The following DLGAP4 variants were observed in gnomAD, a reference collection of about 807,000 sequenced individuals.
The protein encoded by DLGAP4 is DLG associated protein 4, also known as disks large-associated protein 4.
A neutral mutation model predicts 86.9 loss-of-function variants in DLGAP4; 18 were observed. The observed-to-expected ratio is 0.21, with a 90% CI of 0.14 to 0.31. DLGAP4 has a LOEUF of 0.31. Among genes scored for constraint, DLGAP4 ranks in the 10% least tolerant of loss-of-function variants. The probability of loss-of-function intolerance (pLI) is 1.00; values close to 1 mark genes in which losing one functional copy is unlikely to be tolerated. For missense variants in DLGAP4, 1,085 were observed against 1,362.6 expected (o/e 0.80, Z 3.21); for synonymous variants, 548 against 574.3 (o/e 0.95, Z 0.65).
chr20:36,431,168 A>G lies in DLGAP4; in HGVS notation c.-72-478A>G, dbSNP rs1447158971. On this transcript the variant is annotated intron_variant, in intron 2 of 12. Coordinates refer to ENST00000339266, the MANE Select transcript of DLGAP4 (RefSeq NM_001365621.2). This position sits in a 1 kb window ranked among gnomAD's most constrained non-coding sequence, Gnocchi z 5.1. The stretch of plus-strand genomic sequence containing the variant: ...CACAGGGTCCTCCCGTGGGAGGTGG[A>G]CCCTGCCACAGGGACCATCCTGGGG... Among the ~76,000 whole-genome samples, 1 of 151,792 alleles carries G rather than the reference A, an allele frequency of 6.6e-6. No homozygotes were observed. Among genetic ancestry groups the G allele is most frequent in the Non-Finnish European group, 1.5e-5 (1 of 67,916 alleles).
chr20:36,376,621 GGA>G (rs761180385), intron 2 of DLGAP4, among the ~76,000 whole-genome samples: 1 of 152,142 alleles, frequency 6.6e-6, no homozygotes, highest in Non-Finnish European at 1.5e-5. Context: ...CTGCTCAAGG[GGA>G]GAGAGAGAGT....
At chr20:36,437,250 C>G (rs1186541072) in intron 4 of DLGAP4, among the ~76,000 whole-genome samples, 2 of 152,350 alleles carry the variant, frequency 1.3e-5, no homozygotes, top group East Asian at 3.9e-4. Flanking sequence ...GCCCCACCCA[C>G]AGTTCAGCCC....
chr20:36,526,998 G>A lies in DLGAP4; in HGVS notation c.2946G>A (p.Glu982=), dbSNP rs938468213. ...CCACCGAGAGCGCAGACAGCATCGA[G>A]ATTTATGTCCCGGAGGCCCAGACCA... ...NSATESADSI[E]IYVPEAQTRL is the part of the protein sequence containing the mutation. Residue 982 remains glutamate (E), a synonymous_variant, in exon 13 of 13, where the codon GAG becomes GAA. Coordinates refer to ENST00000339266, the MANE Select transcript of DLGAP4 (RefSeq NM_001365621.2). 42 of 1,610,290 alleles carry A rather than the reference G, an allele frequency of 2.6e-5. No individual in the cohort carries two copies. The highest frequency in any genetic ancestry group is 3.5e-5 in the Non-Finnish European group (41 of 1,178,104).
chr20:36,374,816 A>G (rs2031088231), intron 2 of DLGAP4, among the ~76,000 whole-genome samples: 1 of 152,230 alleles, frequency 6.6e-6, no homozygotes, highest in African/African-American at 2.4e-5. Flanking sequence ...AAGCTTTTTC[A>G]CAGGACCAAG....
At chr20:36,470,288 C>A (rs2147660237) in intron 7 of DLGAP4, among the ~76,000 whole-genome samples, 1 of 152,306 alleles carries the variant, frequency 6.6e-6, no homozygotes, top group Non-Finnish European at 1.5e-5. Context: ...TCTTCCCTGG[C>A]ACTCTCCTCC....
chr20:36,364,653 AGTCATGCCATGT>A (rs2030623514), intron 1 of DLGAP4, among the ~76,000 whole-genome samples: 1 of 152,270 alleles, frequency 6.6e-6, no homozygotes, highest in South Asian at 2.1e-4. Flanking sequence ...ATTGAAATGG[AGTCATGCCATGT>A]GCTGTCTTCT....
chr20:36,513,405 G>A (rs796567700), intron 10 of DLGAP4, among the ~76,000 whole-genome samples: 217 of 150,408 alleles, frequency 1.4e-3, no homozygotes, highest in African/African-American at 5.0e-3. Context: ...AAAATTAGCC[G>A]GGCGCGGTGG....
chr20:36,444,842 G>A (rs920997814), intron 6 of DLGAP4, among the ~76,000 whole-genome samples: 7 of 151,056 alleles, frequency 4.6e-5, no homozygotes, highest in Middle Eastern at 3.3e-3. Flanking sequence ...ATTTCTCCAT[G>A]TTGGCCAGGC....
At chr20:36,518,721 C>T (rs1272555037) in intron 10 of DLGAP4, among the ~76,000 whole-genome samples, 1 of 151,998 alleles carries the variant, frequency 6.6e-6, no homozygotes. Context: ...ACAATCCTAG[C>T]ACTTTGAAAG....
intron 1 of DLGAP4, among the ~76,000 whole-genome samples, chr20:36,319,920 A>G (rs575862067): frequency 1.3e-5 from 2 of 152,040 alleles, no homozygotes; most frequent in Admixed American, 1.3e-4. Flanking sequence ...AGAGTCTGGA[A>G]TCTGAAGAAC....
intron 2 of DLGAP4, among the ~76,000 whole-genome samples, chr20:36,396,390 T>C (rs1301367955): frequency 1.4e-3 from 4 of 2,952 alleles, no homozygotes; most frequent in East Asian, 8.5e-3. Flanking sequence ...CATACACACA[T>C]GCCACATACA....
intron 1 of DLGAP4, among the ~76,000 whole-genome samples, chr20:36,363,723 C>G (rs1447398261): frequency 1.3e-5 from 2 of 152,158 alleles, no homozygotes; most frequent in Non-Finnish European, 2.9e-5. Flanking sequence ...CATGATTTGC[C>G]TGGGATTGCT....
intron 2 of DLGAP4, among the ~76,000 whole-genome samples, chr20:36,369,165 C>T (rs939692622): frequency 3.9e-5 from 6 of 152,274 alleles, no homozygotes; most frequent in African/African-American, 1.4e-4. Context: ...CAGCCGAAGC[C>T]GGAGCTAGAA....
intron 1 of DLGAP4, among the ~76,000 whole-genome samples, chr20:36,318,845 A>C (rs1555890249): frequency 6.6e-6 from 1 of 152,114 alleles, no homozygotes; most frequent in South Asian, 2.1e-4. Context: ...TTTGTTTTTC[A>C]TTACAAGAGC....
Position 36,432,524 on chromosome 20 carries a change from C to T in DLGAP4, c.807C>T (p.Pro269=). The T allele has an allele frequency of 6.2e-7, 1 of 1,609,868 alleles. No individual in the cohort carries two copies. The highest frequency in any genetic ancestry group is 2.2e-5 in the East Asian group (1 of 44,710). ...NNTTELTAPP[P]PPAPPATCPS... Reference sequence around the variant, plus strand: ...CTACTGAGCTGACTGCCCCACCACCCCCGCCCGCACCCCCAGCCACCTGCC... The same window carrying T: ...CTACTGAGCTGACTGCCCCACCACCTCCGCCCGCACCCCCAGCCACCTGCC... Residue 269 remains proline, a synonymous_variant, in exon 3 of 13, where the codon CCC becomes CCT. Transcript: ENST00000339266. The surrounding 1 kb of genome is among the most constrained non-coding windows in gnomAD (Gnocchi z 6.5).
intron 10 of DLGAP4, among the ~76,000 whole-genome samples, chr20:36,512,036 TTG>T (rs1276261278): frequency 1.3e-5 from 2 of 151,308 alleles, no homozygotes; most frequent in Non-Finnish European, 2.9e-5. Context: ...AATGCCAATT[TTG>T]TCTCTCTGAT....
At chr20:36,495,749 CAG>C (rs1410279339) in intron 7 of DLGAP4, among the ~76,000 whole-genome samples, 1 of 152,174 alleles carries the variant, frequency 6.6e-6, no homozygotes, top group African/African-American at 2.4e-5. Context: ...CAGTGGAGAA[CAG>C]GGAGGCAGAC....
intron 1 of DLGAP4, among the ~76,000 whole-genome samples, chr20:36,364,036 G>T (rs550147259): frequency 2.0e-5 from 3 of 152,182 alleles, no homozygotes; most frequent in Non-Finnish European, 4.4e-5. Flanking sequence ...AGGACCACAG[G>T]TTCCCAGAGG....
At chr20:36,475,460 C>T (rs2034868995) in intron 7 of DLGAP4, among the ~76,000 whole-genome samples, 1 of 152,094 alleles carries the variant, frequency 6.6e-6, no homozygotes, top group Non-Finnish European at 1.5e-5. Flanking sequence ...CCGCCCGCCT[C>T]GGCCTCCCAA....
Sources: allele counts gnomAD v4.1 joint callset (sites outside exome capture counted in the v4.1 genomes callset), GRCh38; gene constraint gnomAD v4.1.1; non-coding constraint Gnocchi (gnomAD v3.1); transcripts MANE v1.5; gene names NCBI Gene and HGNC (gene_info 2026-07-23, HGNC 2026-07-21).